Variants in SLIT2 observed in about 807,000 individuals in gnomAD.
The protein encoded by SLIT2 is slit guidance ligand 2, also known as slit homolog 2 protein.
Under a neutral mutation model 185.7 loss-of-function variants are expected in SLIT2, and 41 were observed. The observed-to-expected ratio is 0.22, with a 90% CI of 0.17 to 0.29. The LOEUF is 0.29. Ranked by LOEUF, SLIT2 falls within the 10% of genes least tolerant of loss-of-function variation. The pLI is 1.00. For missense variants in SLIT2, 1,571 were observed against 1,909.0 expected, an observed-to-expected ratio of 0.82 and a Z score of 3.30; for synonymous variants, 693 against 680.2, an observed-to-expected ratio of 1.02 and a Z score of -0.29.
chr4:20,610,173 C>G lies in SLIT2; in HGVS notation c.3847+6C>G. 2 of 1,606,822 alleles carry G rather than the reference C, an allele frequency of 1.2e-6. No homozygotes were observed. The highest frequency in any genetic ancestry group is 1.7e-6 in the Non-Finnish European group (2 of 1,177,164). ...CTCTCCACTCTATGTAGGAGGTAAG[C>G]TGTCTTCCAAATTCAGGTGGTCCTG... On this transcript the variant is annotated splice_donor_region_variant and intron_variant, in intron 34 of 36. Transcript: ENST00000504154.
chr4:20,560,783 G>C (rs553471055), intron 26 of SLIT2, among the ~76,000 whole-genome samples: 1 of 151,936 alleles, frequency 6.6e-6, no homozygotes, highest in South Asian at 2.1e-4. Context: ...GCTGAAGAGT[G>C]AACAGACTCA....
chr4:20,618,943 C>A lies in SLIT2; in HGVS notation c.4524C>A (p.Asp1508Glu). ...KRRKYSFECT[D>E]GSSFVDEVEK... The stretch of plus-strand genomic sequence containing the variant: ...GGAAATACTCTTTCGAATGCACTGA[C>A]GGCTCCTCCTTTGTGGACGAGGTTG... Residue 1508 changes from aspartate (D) to glutamate (E), a missense_variant, in exon 37 of 37, where the codon GAC becomes GAA. Asp to Glu is a conservative substitution (Grantham distance 45). Coordinates refer to ENST00000504154, the MANE Select transcript of SLIT2 (RefSeq NM_004787.4). The A allele has an allele frequency of 6.2e-7, 1 of 1,614,076 alleles. No homozygotes were observed. Among genetic ancestry groups the A allele is most frequent in the South Asian group, 1.1e-5 (1 of 91,080 alleles).
intron 4 of SLIT2, among the ~76,000 whole-genome samples, chr4:20,342,099 A>G (rs1028227787): frequency 6.6e-6 from 1 of 152,164 alleles, no homozygotes; most frequent in African/African-American, 2.4e-5. Flanking sequence ...AACTGGGCAG[A>G]TTAGGACATA....
chr4:20,464,530 T>G (rs1714129853), intron 4 of SLIT2, among the ~76,000 whole-genome samples: 1 of 152,170 alleles, frequency 6.6e-6, no homozygotes, highest in Admixed American at 6.5e-5. Context: ...TCCCACTGAC[T>G]CAGTAGTTCT....
chr4:20,350,930 A>G (rs1721818591), intron 4 of SLIT2, among the ~76,000 whole-genome samples: 1 of 152,182 alleles, frequency 6.6e-6, no homozygotes, highest in Non-Finnish European at 1.5e-5. Flanking sequence ...ATAACTTTTA[A>G]TACTGCAAAC....
chr4:20,530,324 C>G (rs1344587306), intron 16 of SLIT2, among the ~76,000 whole-genome samples: 1 of 151,672 alleles, frequency 6.6e-6, no homozygotes, highest in African/African-American at 2.4e-5. Flanking sequence ...GGCAGGAGTG[C>G]AGTGGCACAA....
In SLIT2 at chr4:20,373,829, G is replaced by T. The variant is rs1236248872; in HGVS notation, c.396-93923G>T. The stretch of plus-strand genomic sequence containing the variant: ...TGTTTCTCTGGTGTAGCACATGGAA[G>T]AGGCACAGTCCATCCCAGGGAAGGC... On this transcript the variant is annotated intron_variant, in intron 4 of 36. Transcript: ENST00000504154. 3.3e-5 allele frequency among the ~76,000 whole-genome samples: 5 copies of T among 152,072 alleles called. No homozygotes were observed. In the East Asian group the frequency reaches 9.7e-4, roughly 29 times the overall value.
chr4:20,441,883 C>T (rs563248024), intron 4 of SLIT2, among the ~76,000 whole-genome samples: 43 of 152,236 alleles, frequency 2.8e-4, no homozygotes, highest in African/African-American at 1.0e-3. Flanking sequence ...AAAACATTAT[C>T]TATGTAATTA....
intron 11 of SLIT2, among the ~76,000 whole-genome samples, chr4:20,511,594 T>TTTTTTTTTTTTTTA (rs1173070448): frequency 2.6e-5 from 3 of 115,472 alleles, no homozygotes; most frequent in South Asian, 3.0e-4. Flanking sequence ...CTAATTTTTT[T>TTTTTTTTTTTTTTA]TTTTTTTTTA....
chr4:20,331,397 A>C (rs1206295895), intron 4 of SLIT2, among the ~76,000 whole-genome samples: 1 of 152,156 alleles, frequency 6.6e-6, no homozygotes, highest in African/African-American at 2.4e-5. Flanking sequence ...ACAGTCTATA[A>C]GAATGTTGCA....
At chr4:20,456,245 T>A (rs1389258203) in intron 4 of SLIT2, among the ~76,000 whole-genome samples, 1 of 152,144 alleles carries the variant, frequency 6.6e-6, no homozygotes, top group Non-Finnish European at 1.5e-5. Context: ...TAGTCAGTGT[T>A]TTAGAATCCC....
intron 16 of SLIT2, among the ~76,000 whole-genome samples, chr4:20,529,412 A>C (rs1721588100): frequency 6.6e-6 from 1 of 152,108 alleles, no homozygotes; most frequent in Admixed American, 6.6e-5. Flanking sequence ...TTGTTTTCTA[A>C]GTACTTAGTT....
At chr4:20,526,531 A>T (rs1264693183) in intron 15 of SLIT2, among the ~76,000 whole-genome samples, 1 of 152,192 alleles carries the variant, frequency 6.6e-6, no homozygotes, top group Non-Finnish European at 1.5e-5. Flanking sequence ...TGTAATTGGT[A>T]TCAAATTATT....
At chr4:20,360,990 G>A (rs1179052105) in intron 4 of SLIT2, among the ~76,000 whole-genome samples, 1 of 152,052 alleles carries the variant, frequency 6.6e-6, no homozygotes, top group Non-Finnish European at 1.5e-5. Flanking sequence ...TTTTATATCA[G>A]CCATATCTCT....
intron 2 of SLIT2, among the ~76,000 whole-genome samples, chr4:20,257,533 T>C (rs1457961567): frequency 6.6e-6 from 1 of 152,038 alleles, no homozygotes; most frequent in Non-Finnish European, 1.5e-5. Context: ...TTTGATTCTT[T>C]GGTTAAGTTG....
intron 4 of SLIT2, among the ~76,000 whole-genome samples, chr4:20,448,891 C>T (rs1417082232): frequency 6.6e-6 from 1 of 152,172 alleles, no homozygotes; most frequent in East Asian, 1.9e-4. Context: ...CTGCCTCAGA[C>T]TCCCAAAGGG....
At chr4:20,551,362 A>G (rs1208204449) in intron 25 of SLIT2, among the ~76,000 whole-genome samples, 1 of 152,180 alleles carries the variant, frequency 6.6e-6, no homozygotes, top group Non-Finnish European at 1.5e-5. Flanking sequence ...ACATGGTTCG[A>G]GACTATAGTT....
At chr4:20,342,754 C>T (rs7694984) in intron 4 of SLIT2, among the ~76,000 whole-genome samples, 101,267 of 116,904 alleles carry the variant, frequency 0.87, 43,955 homozygotes, top group African/African-American at 0.92. Context: ...CACAAATACA[C>T]GTTCTAATGT....
At chr4:20,552,395 A>C (rs1723842754) in intron 25 of SLIT2, 1 of 150,318 alleles carries the variant, frequency 6.7e-6, no homozygotes, top group Non-Finnish European at 1.5e-5. Flanking sequence ...TATATAAAGA[A>C]ATTTTATATT....
Sources: allele counts gnomAD v4.1 joint callset (sites outside exome capture counted in the v4.1 genomes callset), GRCh38; gene constraint gnomAD v4.1.1; transcripts MANE v1.5; gene names NCBI Gene and HGNC (gene_info 2026-07-23, HGNC 2026-07-21).